The following TPRG1 variants were observed in gnomAD, a reference collection of about 807,000 sequenced individuals.
TPRG1 encodes tumor protein p63 regulated 1.
A neutral mutation model predicts 29.3 loss-of-function variants in TPRG1; 29 were observed. That is an observed-to-expected ratio of 0.99 (90% CI 0.74 to 1.35). The LOEUF (loss-of-function observed/expected upper bound fraction) is 1.35. Ranked by LOEUF, TPRG1 falls within the 40% of genes most tolerant of loss-of-function variation. TPRG1 has a pLI of 0.00. For missense variants in TPRG1, 327 were observed against 335.0 expected, an observed-to-expected ratio of 0.98 and a Z score of 0.19; for synonymous variants, 130 against 116.8, an observed-to-expected ratio of 1.11 and a Z score of -0.73.
At position 189,238,746 on chromosome 3, in the gene TPRG1, A is replaced by G; in HGVS notation, c.316A>G (p.Asn106Asp). Residue 106 changes from asparagine (N) to aspartate (D), a missense_variant, in exon 4 of 6, where the codon AAC becomes GAC. Physicochemically the swap from Asn to Asp is conservative, Grantham distance 23. Transcript: ENST00000345063. ...FWLLTKIDHW[N>D]NEKERILLVT... ...TGATTCCTATAGGATAGACCACTGG[A>G]ACAATGAGAAGGAGAGAATTCTACT... 1 of 1,611,976 alleles carries G rather than the reference A, an allele frequency of 6.2e-7. No individual in the cohort carries two copies. Among genetic ancestry groups the G allele is most frequent in the Non-Finnish European group, 8.5e-7 (1 of 1,178,778 alleles).
At chr3:189,225,409 A>T (rs902325503) in intron 3 of TPRG1, among the ~76,000 whole-genome samples, 58 of 152,288 alleles carry the variant, frequency 3.8e-4, no homozygotes, top group African/African-American at 1.3e-3. Flanking sequence ...TAGGCATTCT[A>T]TCTTAAGTTA....
intron 1 of TPRG1, among the ~76,000 whole-genome samples, chr3:189,115,585 T>C (rs1186670780): frequency 6.6e-6 from 1 of 152,218 alleles, no homozygotes; most frequent in South Asian, 2.1e-4. Flanking sequence ...GTCTAATGGC[T>C]CTCTTACACA....
At chr3:189,266,770 C>A (rs1200363737) in intron 4 of TPRG1, among the ~76,000 whole-genome samples, 3 of 152,098 alleles carry the variant, frequency 2.0e-5, no homozygotes, top group Admixed American at 1.3e-4. Context: ...GGTTTTAGAG[C>A]AAAGCATAAC....
chr3:189,272,909 A>ATGGGGTC (rs1715476513), intron 4 of TPRG1, among the ~76,000 whole-genome samples: 1 of 152,084 alleles, frequency 6.6e-6, no homozygotes, highest in African/African-American at 2.4e-5. Context: ...TCTATTTCTG[A>ATGGGGTC]TGGGGTCTGG....
At chr3:189,117,017 T>C (rs1442056518) in intron 1 of TPRG1, among the ~76,000 whole-genome samples, 1 of 152,206 alleles carries the variant, frequency 6.6e-6, no homozygotes, top group Non-Finnish European at 1.5e-5. Flanking sequence ...CTTGGCTGTA[T>C]CCCCTTTACT....
At chr3:189,153,045 G>T (rs1726178463) in intron 5 of TPRG1, among the ~76,000 whole-genome samples, 1 of 152,218 alleles carries the variant, frequency 6.6e-6, no homozygotes, top group African/African-American at 2.4e-5. Context: ...CAGACAAAGA[G>T]ACCTGAAATA....
intron 3 of TPRG1, among the ~76,000 whole-genome samples, chr3:189,225,580 A>T (rs974240155): frequency 6.6e-6 from 1 of 152,212 alleles, no homozygotes; most frequent in African/African-American, 2.4e-5. Context: ...GAGGCTATCA[A>T]CACTTCTAGA....
chr3:189,309,607 A>G (rs2109309026), intron 4 of TPRG1, among the ~76,000 whole-genome samples: 1 of 152,278 alleles, frequency 6.6e-6, no homozygotes, highest in East Asian at 1.9e-4. Flanking sequence ...GGCCTCAGAA[A>G]CACGGTTTTG....
intron 4 of TPRG1, among the ~76,000 whole-genome samples, chr3:189,262,516 A>G (rs1437938696): frequency 6.6e-6 from 1 of 152,102 alleles, no homozygotes; most frequent in East Asian, 1.9e-4. Context: ...GTGCTCAGAG[A>G]GTCAGATTTT....
intron 4 of TPRG1, among the ~76,000 whole-genome samples, chr3:189,030,113 A>T (rs1357614259): frequency 6.6e-6 from 1 of 151,944 alleles, no homozygotes; most frequent in African/African-American, 2.4e-5. Flanking sequence ...AACATTTCTG[A>T]TGTTTTTTTG....
chr3:189,068,497 CTGGACGCAG>C (rs112707260), intron 4 of TPRG1, among the ~76,000 whole-genome samples: 3 of 152,318 alleles, frequency 2.0e-5, no homozygotes, highest in African/African-American at 7.2e-5. Flanking sequence ...AGATTCTTGG[CTGGACGCAG>C]TGGCTCACGC....
At chr3:189,232,761 C>G (rs1399707052) in intron 3 of TPRG1, among the ~76,000 whole-genome samples, 1 of 152,072 alleles carries the variant, frequency 6.6e-6, no homozygotes, top group African/African-American at 2.4e-5. Context: ...TTTGAGAGTC[C>G]TCTATTTTAA....
At chr3:189,224,745 G>A (rs1051177478) in intron 3 of TPRG1, among the ~76,000 whole-genome samples, 5 of 152,050 alleles carry the variant, frequency 3.3e-5, no homozygotes, top group East Asian at 1.9e-4. Flanking sequence ...ACTCTGGTCC[G>A]TGTTTTTTTA....
At chr3:189,264,977 CA>C (rs1430646009) in intron 4 of TPRG1, among the ~76,000 whole-genome samples, 2 of 152,106 alleles carry the variant, frequency 1.3e-5, no homozygotes, top group Non-Finnish European at 2.9e-5. Flanking sequence ...AAGATAAGCA[CA>C]GGGGTAAGAC....
intron 3 of TPRG1, among the ~76,000 whole-genome samples, chr3:189,236,678 A>T (rs545796310): frequency 6.6e-6 from 1 of 152,316 alleles, no homozygotes; most frequent in East Asian, 1.9e-4. Context: ...TTGTGGTAAG[A>T]TATAGAACTA....
At chr3:189,075,937 C>T (rs531137625) in intron 4 of TPRG1, among the ~76,000 whole-genome samples, 181 of 152,278 alleles carry the variant, frequency 1.2e-3, no homozygotes, top group Non-Finnish European at 1.3e-3. Flanking sequence ...TCTCCAAAGG[C>T]GCTCAGGTTC....
At chr3:189,288,726 A>G (rs1291714954) in intron 4 of TPRG1, among the ~76,000 whole-genome samples, 1 of 152,258 alleles carries the variant, frequency 6.6e-6, no homozygotes, top group African/African-American at 2.4e-5. Context: ...TCAAAACTTT[A>G]AATAGACTTC....
At chr3:189,038,084 A>G (rs1031825082) in intron 4 of TPRG1, among the ~76,000 whole-genome samples, 4 of 152,082 alleles carry the variant, frequency 2.6e-5, no homozygotes, top group Middle Eastern at 3.4e-3. Context: ...ACAAAAGTCC[A>G]TAAGTAAATG....
intron 4 of TPRG1, among the ~76,000 whole-genome samples, chr3:189,074,936 C>A (rs1334981158): frequency 6.6e-6 from 1 of 151,310 alleles, no homozygotes; most frequent in Non-Finnish European, 1.5e-5. Context: ...CTCAGCCTCC[C>A]GAGTAGCTGG....
Sources: allele counts gnomAD v4.1 joint callset (sites outside exome capture counted in the v4.1 genomes callset), GRCh38; gene constraint gnomAD v4.1.1; transcripts MANE v1.5; gene names NCBI Gene and HGNC (gene_info 2026-07-23, HGNC 2026-07-21).